Variants in CAMK2D observed in about 807,000 individuals in gnomAD.
CAMK2D encodes calcium/calmodulin dependent protein kinase II delta.
In CAMK2D, 37 loss-of-function variants were observed where a neutral mutation model predicts 84.0. The ratio of observed to expected loss-of-function variants is 0.44; its 90% confidence interval spans 0.34 to 0.58. The LOEUF (loss-of-function observed/expected upper bound fraction) is 0.58, where lower values mean the gene tolerates loss of function less well. Ranked by LOEUF, CAMK2D falls within the 20% of genes least tolerant of loss-of-function variation. CAMK2D has a pLI of 0.02. For synonymous variants in CAMK2D, 202 were observed against 212.5 expected (o/e 0.95, Z 0.43); for missense variants, 448 against 652.5 (o/e 0.69, Z 3.41).
chr4:113,529,196 C>T (rs1292119422), intron 8 of CAMK2D, among the ~76,000 whole-genome samples: 1 of 152,074 alleles, frequency 6.6e-6, no homozygotes, highest in Admixed American at 6.6e-5. Context: ...AAATATAGTG[C>T]CCTATTTTAC....
In CAMK2D at chr4:113,547,724, C is replaced by A; in HGVS notation, c.342-8G>T. 1 of 1,538,584 alleles carries A rather than the reference C, an allele frequency of 6.5e-7. No individual in the cohort carries two copies. Among genetic ancestry groups the A allele is most frequent in the Non-Finnish European group, 8.7e-7 (1 of 1,145,136 alleles). ...ATCTGCTGAATGCAATGACTGCATG[C>A]AAACACCAGGGGGCGTGTGTTAGTT... is the stretch of plus-strand genomic sequence containing the variant. On this transcript the variant is annotated splice_region_variant and splice_polypyrimidine_tract_variant and intron_variant, in intron 5 of 20. Transcript: ENST00000511664.
At chr4:113,558,249 C>A (rs1270571674) in intron 4 of CAMK2D, among the ~76,000 whole-genome samples, 1 of 152,248 alleles carries the variant, frequency 6.6e-6, no homozygotes, top group African/African-American at 2.4e-5. Flanking sequence ...TCCAAGCTAA[C>A]TGAATAACCA....
intron 8 of CAMK2D, among the ~76,000 whole-genome samples, chr4:113,530,848 G>T (rs1257632973): frequency 2.0e-5 from 3 of 152,268 alleles, no homozygotes; most frequent in East Asian, 3.9e-4. Flanking sequence ...ACTTTGAGAG[G>T]CTGAGGCAGG....
chr4:113,755,576 C>G (rs1266756574), intron 2 of CAMK2D, among the ~76,000 whole-genome samples: 3 of 151,916 alleles, frequency 2.0e-5, no homozygotes, highest in Non-Finnish European at 4.4e-5. Flanking sequence ...GAAGCCATTA[C>G]TTCCACATAA....
intron 16 of CAMK2D, among the ~76,000 whole-genome samples, chr4:113,497,047 T>C (rs1413691130): frequency 7.1e-6 from 1 of 141,258 alleles, no homozygotes; most frequent in Non-Finnish European, 1.5e-5. Flanking sequence ...AAAAAGGAAA[T>C]AAAAGAACTT....
intron 2 of CAMK2D, among the ~76,000 whole-genome samples, chr4:113,747,976 C>G (rs1014455458): frequency 6.6e-5 from 10 of 152,122 alleles, no homozygotes; most frequent in African/African-American, 2.4e-4. Flanking sequence ...TTCCAATATT[C>G]TGGCTTCTCG....
rs2098267383 is a variant in CAMK2D at position 113,515,070 on chromosome 4, C to T, written c.818G>A (p.Cys273Tyr). 6.2e-7 allele frequency: 1 copy of T among 1,613,262 alleles called. No individual in the cohort carries two copies. Among genetic ancestry groups the T allele is most frequent in the Non-Finnish European group, 8.5e-7 (1 of 1,179,472 alleles). The part of the protein sequence containing the change: ...ASEALKHPWI[C>Y]QRSTVASMMH... Reference sequence around the variant, plus strand: ...AAGTTTTGGAGAAGTTTTACTTACACAGATCCATGGGTGCTTCAGTGCCTC... The same window carrying T: ...AAGTTTTGGAGAAGTTTTACTTACATAGATCCATGGGTGCTTCAGTGCCTC... Residue 273 changes from cysteine to tyrosine, a missense_variant and splice_region_variant, in exon 10 of 21, where the codon TGT becomes TAT. By Grantham distance (194) the Cys-to-Tyr change is radical (BLOSUM62 -2). Transcript: ENST00000511664.
chr4:113,583,111 C>A (rs1200416637), intron 4 of CAMK2D, among the ~76,000 whole-genome samples: 1 of 152,204 alleles, frequency 6.6e-6, no homozygotes, highest in Non-Finnish European at 1.5e-5. Context: ...TGCTGCCATG[C>A]TAAATTTTAT....
At chr4:113,460,337 G>A in intron 17 of CAMK2D, 96 bp from the exon 18 acceptor site, 1 of 775,374 alleles carries the variant, frequency 1.3e-6, no homozygotes, top group Non-Finnish European at 2.2e-6. Flanking sequence ...AGTCACTGAA[G>A]GAAAGAGCCT....
intron 7 of CAMK2D, among the ~76,000 whole-genome samples, chr4:113,532,688 C>T (rs1160207472): frequency 6.6e-6 from 1 of 152,158 alleles, no homozygotes; most frequent in Non-Finnish European, 1.5e-5. Context: ...AGATTACATC[C>T]AATGTTCTTA....
At chr4:113,542,269 T>G (rs983250765) in intron 6 of CAMK2D, among the ~76,000 whole-genome samples, 1 of 152,238 alleles carries the variant, frequency 6.6e-6, no homozygotes, top group African/African-American at 2.4e-5. Flanking sequence ...AAATACATAC[T>G]TTGTTTCAAA....
intron 4 of CAMK2D, among the ~76,000 whole-genome samples, chr4:113,595,165 A>G (rs2098918563): frequency 1.3e-5 from 2 of 152,138 alleles, no homozygotes; most frequent in Non-Finnish European, 1.5e-5. Flanking sequence ...CTAGAATTCT[A>G]TATTCTGTGA....
chr4:113,474,696 G>T (rs1181660828), intron 16 of CAMK2D, among the ~76,000 whole-genome samples: 4 of 151,930 alleles, frequency 2.6e-5, no homozygotes, highest in Non-Finnish European at 5.9e-5. Context: ...CCCCAGGCTG[G>T]AGTGCAAAGG....
At chr4:113,619,458 T>C (rs550074376) in intron 3 of CAMK2D, among the ~76,000 whole-genome samples, 1 of 152,262 alleles carries the variant, frequency 6.6e-6, no homozygotes, top group South Asian at 2.1e-4. Context: ...CCAAATTCCA[T>C]TCATGGCCTA....
intron 8 of CAMK2D, among the ~76,000 whole-genome samples, chr4:113,522,858 G>A (rs1331190697): frequency 6.6e-6 from 1 of 152,208 alleles, no homozygotes; most frequent in African/African-American, 2.4e-5. Context: ...CAGACTGCCT[G>A]CAATGGAGAG....
At chr4:113,454,625 A>G (rs2097283208) in intron 20 of CAMK2D, 110 bp from the exon 21 acceptor site, 2 of 691,382 alleles carry the variant, frequency 2.9e-6, no homozygotes, top group Admixed American at 2.0e-5. Flanking sequence ...TTGGCTAACA[A>G]ATAGATTGAA....
intron 13 of CAMK2D, 47 bp from the exon 14 acceptor site, chr4:113,505,082 G>C: frequency 8.7e-7 from 1 of 1,153,264 alleles, no homozygotes; most frequent in Middle Eastern, 1.9e-4. Context: ...AAACCCCTTG[G>C]TAGCCAATGT....
chr4:113,589,514 G>C (rs2098850214), intron 4 of CAMK2D, among the ~76,000 whole-genome samples: 1 of 152,116 alleles, frequency 6.6e-6, no homozygotes, highest in African/African-American at 2.4e-5. Context: ...AATCTAATAG[G>C]AGTTGCTGAT....
chr4:113,462,064 A>G (rs1384079455), intron 17 of CAMK2D, among the ~76,000 whole-genome samples: 1 of 152,212 alleles, frequency 6.6e-6, no homozygotes, highest in Non-Finnish European at 1.5e-5. Context: ...AAGAAGCAAA[A>G]TGGGAAGAAC....
Sources: allele counts gnomAD v4.1 joint callset (sites outside exome capture counted in the v4.1 genomes callset), GRCh38; gene constraint gnomAD v4.1.1; transcripts MANE v1.5; gene names NCBI Gene and HGNC (gene_info 2026-07-23, HGNC 2026-07-21).